LTBP1: variants seen among roughly 807,000 people sequenced by gnomAD.
LTBP1 encodes latent transforming growth factor beta binding protein 1.
LTBP1 carries 129 observed loss-of-function variants against 207.6 expected under a neutral mutation model. The observed-to-expected ratio is 0.62, with a 90% CI of 0.54 to 0.72. The LOEUF is 0.72. Ranked by LOEUF, LTBP1 falls within the 30% of genes least tolerant of loss-of-function variation. The pLI, the probability that LTBP1 is intolerant of heterozygous loss-of-function variation, is 0.00. For synonymous variants in LTBP1, 963 were observed against 833.7 expected (o/e 1.16, Z -2.67); for missense variants, 2,281 against 2,217.2 (o/e 1.03, Z -0.58).
intron 23 of LTBP1, among the ~76,000 whole-genome samples, chr2:33,313,639 C>T (rs954872078): frequency 1.3e-5 from 2 of 152,132 alleles, no homozygotes; most frequent in African/African-American, 4.8e-5. Flanking sequence ...TGGAGGTATG[C>T]CTCCTGAATG....
At chr2:33,302,422 G>T (rs2149022444) in intron 22 of LTBP1, among the ~76,000 whole-genome samples, 1 of 152,306 alleles carries the variant, frequency 6.6e-6, no homozygotes, top group South Asian at 2.1e-4. Flanking sequence ...ACCTTTGAGA[G>T]AAGTGGATGA....
intron 12 of LTBP1, 74 bp downstream of exon 12, chr2:33,257,585 C>A: frequency 8.0e-7 from 1 of 1,247,432 alleles, no homozygotes; most frequent in Non-Finnish European, 1.1e-6. Flanking sequence ...TGTTTATAAC[C>A]CTCTAGAACA....
chr2:33,392,811 A>C (rs2095326197), intron 32 of LTBP1, among the ~76,000 whole-genome samples: 1 of 151,726 alleles, frequency 6.6e-6, no homozygotes. Context: ...TGGGATCTGA[A>C]AATATTGTCG....
intron 15 of LTBP1, among the ~76,000 whole-genome samples, chr2:33,264,805 G>A (rs1337253083): frequency 1.3e-5 from 2 of 152,146 alleles, no homozygotes; most frequent in South Asian, 2.1e-4. Context: ...AGAACCAACA[G>A]GATATATCCA....
intron 31 of LTBP1, among the ~76,000 whole-genome samples, chr2:33,381,245 A>C (rs552655398): frequency 6.6e-6 from 1 of 152,210 alleles, no homozygotes; most frequent in Non-Finnish European, 1.5e-5. Context: ...ATTTAATACT[A>C]TTACAGTAGT....
At chr2:33,133,794 A>G (rs1198888924) in intron 4 of LTBP1, among the ~76,000 whole-genome samples, 1 of 152,244 alleles carries the variant, frequency 6.6e-6, no homozygotes, top group African/African-American at 2.4e-5. Flanking sequence ...AGAAGTGTGT[A>G]GAAAATGCCA....
At chr2:33,346,417 C>G (rs1285838816) in intron 25 of LTBP1, among the ~76,000 whole-genome samples, 1 of 152,102 alleles carries the variant, frequency 6.6e-6, no homozygotes, top group Non-Finnish European at 1.5e-5. Flanking sequence ...GGCGTGGTGG[C>G]TCACGTCTGT....
intron 19 of LTBP1, among the ~76,000 whole-genome samples, chr2:33,287,092 AT>A (rs2093680440): frequency 6.6e-6 from 1 of 151,270 alleles, no homozygotes; most frequent in Admixed American, 6.6e-5. Flanking sequence ...TAAAAATAAA[AT>A]AAAAACAACA....
At chr2:33,202,770 C>T (rs1558806952) in intron 7 of LTBP1, among the ~76,000 whole-genome samples, 1 of 152,196 alleles carries the variant, frequency 6.6e-6, no homozygotes, top group Non-Finnish European at 1.5e-5. Context: ...AGGCCACATG[C>T]CCTTATGGAT....
chr2:33,278,821 TA>T (rs1014818201), intron 18 of LTBP1, among the ~76,000 whole-genome samples: 1 of 152,126 alleles, frequency 6.6e-6, no homozygotes, highest in African/African-American at 2.4e-5. Context: ...ACATCTGACC[TA>T]AAAAAACCAC....
intron 5 of LTBP1, among the ~76,000 whole-genome samples, chr2:33,137,014 A>G (rs1384762163): frequency 6.6e-6 from 1 of 152,158 alleles, no homozygotes; most frequent in Non-Finnish European, 1.5e-5. Flanking sequence ...TTATATTCTG[A>G]GCTATTTCCC....
Position 33,103,020 on chromosome 2 carries a change from A to G in LTBP1, c.864-7562A>G, listed in dbSNP as rs576148124. ...GTTGTATACACAGTCTGTATGCTGT[A>G]TGCATTGTCTGTATGCATAGTCTGT... On this transcript the variant is annotated intron_variant, in intron 3 of 33. Transcript: ENST00000404816. Among the ~76,000 whole-genome samples the G allele has an allele frequency of 2.0e-5, 3 of 151,338 alleles. 1 individual carries two copies. In the South Asian group the frequency reaches 6.3e-4, roughly 32 times the overall value.
At chr2:33,305,719 G>T (rs561748622) in intron 22 of LTBP1, among the ~76,000 whole-genome samples, 3 of 152,096 alleles carry the variant, frequency 2.0e-5, no homozygotes, top group Non-Finnish European at 4.4e-5. Context: ...GATAAATCCC[G>T]GGCCCTCCAA....
intron 11 of LTBP1, among the ~76,000 whole-genome samples, chr2:33,256,076 CTT>C (rs932198592): frequency 1.4e-5 from 2 of 142,840 alleles, no homozygotes; most frequent in Non-Finnish European, 3.1e-5. Context: ...GCTGAGTCTA[CTT>C]TTTTTTTTTT....
intron 5 of LTBP1, among the ~76,000 whole-genome samples, chr2:33,151,259 A>C (rs1457320159): frequency 6.6e-6 from 1 of 152,124 alleles, no homozygotes; most frequent in Non-Finnish European, 1.5e-5. Flanking sequence ...TTTTTGGTGC[A>C]TATACCTAGA....
At chr2:33,245,576 C>T (rs907907379) in intron 10 of LTBP1, among the ~76,000 whole-genome samples, 12 of 152,124 alleles carry the variant, frequency 7.9e-5, no homozygotes, top group Non-Finnish European at 1.8e-4. Flanking sequence ...GCTTTCCTAA[C>T]GGGTGGTAAA....
At chr2:33,075,671 A>AC (rs1226066810) in intron 3 of LTBP1, among the ~76,000 whole-genome samples, 1 of 152,196 alleles carries the variant, frequency 6.6e-6, no homozygotes. Context: ...TTTTGAAGTT[A>AC]CCCAACTGCC....
rs148779103 is a variant in LTBP1, at chr2:33,300,507, G to T, written c.3292G>T (p.Glu1098Ter). Residue 1098 changes from glutamate (E) to a stop codon, truncating the protein, a stop_gained, in exon 21 of 34, where the codon GAG becomes TAG. Transcript: ENST00000404816. LOFTEE classifies it high-confidence loss of function. ...TGTAAACGGGCAGTGCAAAAATACCGAGGGCTCCTTCAGGTGCACCTGTGG... is the reference window on the plus strand; with the variant it reads ...TGTAAACGGGCAGTGCAAAAATACCTAGGGCTCCTTCAGGTGCACCTGTGG... ...LCVNGQCKNT[E>*]GSFRCTCGQG... The T allele has an allele frequency of 1.2e-6, 2 of 1,613,618 alleles. No homozygotes were observed. The highest frequency in any genetic ancestry group is 2.7e-5 in the African/African-American group (2 of 74,910).
chr2:33,231,911 A>G lies in LTBP1; in HGVS notation c.1876+9760A>G, dbSNP rs988720286. 2.0e-5 allele frequency among the ~76,000 whole-genome samples: 3 copies of G among 152,232 alleles called. 1 individual carries two copies. Among genetic ancestry groups the G allele is most frequent in the Admixed American group, 6.5e-5 (1 of 15,286 alleles). On this transcript the variant is annotated intron_variant, in intron 9 of 33. Coordinates refer to ENST00000404816, the MANE Select transcript of LTBP1 (RefSeq NM_206943.4). Reference sequence around the variant, plus strand: ...AAAAATATTGTTTATAACATTTGTTAAAGAACAGTAAGACAGATTTTATTC... The same window carrying G: ...AAAAATATTGTTTATAACATTTGTTGAAGAACAGTAAGACAGATTTTATTC...
Sources: allele counts gnomAD v4.1 joint callset (sites outside exome capture counted in the v4.1 genomes callset), GRCh38; gene constraint gnomAD v4.1.1; transcripts MANE v1.5; gene names NCBI Gene and HGNC (gene_info 2026-07-23, HGNC 2026-07-21).